MYT1L: variants seen among roughly 807,000 people sequenced by gnomAD.
MYT1L encodes myelin transcription factor 1-like protein.
Under a neutral mutation model 126.7 loss-of-function variants are expected in MYT1L, and 12 were observed. The ratio of observed to expected loss-of-function variants is 0.09; its 90% CI spans 0.06 to 0.15. The LOEUF (loss-of-function observed/expected upper bound fraction) is 0.15. Among genes scored for constraint, MYT1L ranks in the 10% least tolerant of loss-of-function variants. The pLI, the probability that MYT1L is intolerant of heterozygous loss-of-function variation, is 1.00. For synonymous variants in MYT1L, 541 were observed against 604.2 expected (o/e 0.90, Z 1.53); for missense variants, 979 against 1,585.2 (o/e 0.62, Z 6.49).
intron 4 of MYT1L, among the ~76,000 whole-genome samples, chr2:2,041,657 T>C (rs1348485759): frequency 1.3e-5 from 2 of 152,144 alleles, no homozygotes; most frequent in Non-Finnish European, 2.9e-5. Context: ...AGGAGGACCT[T>C]TGCCTCTGCT....
At chr2:2,114,661 A>C (rs899387617) in intron 3 of MYT1L, among the ~76,000 whole-genome samples, 2 of 152,236 alleles carry the variant, frequency 1.3e-5, no homozygotes, top group African/African-American at 2.4e-5. Flanking sequence ...CTGAAATATA[A>C]GAGGTACCCA....
chr2:2,125,128 C>T (rs2147944491), intron 3 of MYT1L, among the ~76,000 whole-genome samples: 1 of 152,232 alleles, frequency 6.6e-6, no homozygotes, highest in African/African-American at 2.4e-5. Flanking sequence ...TTCTCTTTAC[C>T]TTCCTGTCTC....
At chr2:1,911,461 G>A (rs1324583161) in intron 12 of MYT1L, among the ~76,000 whole-genome samples, 3 of 152,194 alleles carry the variant, frequency 2.0e-5, no homozygotes, top group African/African-American at 7.2e-5. Context: ...GACAGGAAAA[G>A]AGAACTCAGA....
intron 14 of MYT1L, among the ~76,000 whole-genome samples, chr2:1,894,990 G>A (rs573536784): frequency 1.3e-5 from 2 of 152,346 alleles, no homozygotes; most frequent in Admixed American, 6.5e-5. Flanking sequence ...TGCCATCAAC[G>A]ATGTGTTTGT....
At chr2:2,173,687 G>C (rs2090365354) in intron 2 of MYT1L, among the ~76,000 whole-genome samples, 2 of 152,176 alleles carry the variant, frequency 1.3e-5, no homozygotes, top group Admixed American at 1.3e-4. Context: ...GAAAGTGAGA[G>C]GGTGATGCCT....
intron 5 of MYT1L, among the ~76,000 whole-genome samples, chr2:1,988,732 G>C (rs1425984338): frequency 6.6e-6 from 1 of 152,220 alleles, no homozygotes; most frequent in Non-Finnish European, 1.5e-5. Flanking sequence ...AGAGCTTGGT[G>C]CATAGCAGAT....
chr2:1,934,177 T>A (rs913336882), intron 9 of MYT1L, among the ~76,000 whole-genome samples: 1 of 151,426 alleles, frequency 6.6e-6, no homozygotes, highest in Non-Finnish European at 1.5e-5. Context: ...GGTTTCATCG[T>A]GTTAGCCAGG....
At chr2:2,023,913 C>T (rs1410040791) in intron 4 of MYT1L, among the ~76,000 whole-genome samples, 2 of 152,238 alleles carry the variant, frequency 1.3e-5, no homozygotes, top group Non-Finnish European at 2.9e-5. Flanking sequence ...GGATTAGGCA[C>T]CTTTGAAATT....
intron 18 of MYT1L, among the ~76,000 whole-genome samples, chr2:1,865,320 C>T (rs1339926609): frequency 6.6e-6 from 1 of 152,168 alleles, no homozygotes; most frequent in East Asian, 1.9e-4. Flanking sequence ...CTCCTGCGGC[C>T]GTGCGGGGTT....
intron 8 of MYT1L, among the ~76,000 whole-genome samples, chr2:1,947,004 C>T (rs1262655143): frequency 5.9e-5 from 9 of 152,132 alleles, no homozygotes; most frequent in Non-Finnish European, 2.9e-5. Context: ...TCATAATGAC[C>T]GGAGCTTTTC....
intron 19 of MYT1L, among the ~76,000 whole-genome samples, chr2:1,843,434 A>T (rs1278160128): frequency 6.6e-6 from 1 of 151,664 alleles, no homozygotes; most frequent in Non-Finnish European, 1.5e-5. Context: ...ACGGTATCCT[A>T]CCCAGGGAGA....
chr2:1,928,380 G>T (rs2149149102), intron 9 of MYT1L, among the ~76,000 whole-genome samples: 1 of 152,306 alleles, frequency 6.6e-6, no homozygotes, highest in African/African-American at 2.4e-5. Context: ...TCTGAAAGGT[G>T]ACAGTACAGA....
At chr2:2,072,586 C>T (rs2074730846) in intron 3 of MYT1L, among the ~76,000 whole-genome samples, 1 of 152,126 alleles carries the variant, frequency 6.6e-6, no homozygotes, top group African/African-American at 2.4e-5. Context: ...GTTCTGGAGG[C>T]TGGAAGTCTC....
intron 5 of MYT1L, among the ~76,000 whole-genome samples, chr2:1,990,884 TG>T (rs1011662222): frequency 6.6e-6 from 1 of 152,190 alleles, no homozygotes; most frequent in African/African-American, 2.4e-5. Flanking sequence ...CACACTGCTC[TG>T]GGATGTGTTG....
intron 2 of MYT1L, among the ~76,000 whole-genome samples, chr2:2,269,486 A>G (rs1212046080): frequency 1.3e-5 from 2 of 152,214 alleles, no homozygotes; most frequent in Non-Finnish European, 2.9e-5. Flanking sequence ...AGTGCTTTAT[A>G]TGCAGGCAGC....
chr2:1,860,695 G>A (rs560399657), intron 18 of MYT1L, among the ~76,000 whole-genome samples: 5 of 152,266 alleles, frequency 3.3e-5, no homozygotes, highest in Non-Finnish European at 7.3e-5. Context: ...TCTCAACACG[G>A]CCATTATTAG....
chr2:1,826,180 C>T (rs1163526953), intron 21 of MYT1L: 1 of 152,420 alleles, frequency 6.6e-6, no homozygotes, highest in African/African-American at 2.4e-5. Flanking sequence ...CATGGGAAAA[C>T]TGAGCTAATG....
At chr2:1,840,869 G>T (rs1288505266) in intron 19 of MYT1L, 26 bp from the exon 20 acceptor site, 1 of 1,428,040 alleles carries the variant, frequency 7.0e-7, no homozygotes, top group Non-Finnish European at 9.6e-7. Flanking sequence ...ATTTCAGAAA[G>T]CACCCCACAC....
intron 2 of MYT1L, among the ~76,000 whole-genome samples, chr2:2,211,190 T>A (rs1179604675): frequency 6.6e-6 from 1 of 152,228 alleles, no homozygotes; most frequent in Non-Finnish European, 1.5e-5. Flanking sequence ...CTTATGCATG[T>A]TTGATTAGAA....
Sources: allele counts gnomAD v4.1 joint callset (sites outside exome capture counted in the v4.1 genomes callset), GRCh38; gene constraint gnomAD v4.1.1; transcripts MANE v1.5; gene names NCBI Gene and HGNC (gene_info 2026-07-23, HGNC 2026-07-21).